Variants in MNAT1 observed in about 807,000 individuals in gnomAD.
The protein encoded by MNAT1 is CDK-activating kinase assembly factor MAT1.
In MNAT1, 43 loss-of-function variants were observed where a neutral mutation model predicts 42.0. The observed-to-expected ratio is 1.02, with a 90% CI of 0.80 to 1.32. MNAT1 has a LOEUF of 1.32. Ranked by LOEUF, MNAT1 falls within the 40% of genes most tolerant of loss-of-function variation. The pLI is 0.00. For missense variants in MNAT1, 306 were observed against 350.4 expected (o/e 0.87, Z 1.01); for synonymous variants, 118 against 120.0 (o/e 0.98, Z 0.11).
At position 60,780,037 on chromosome 14, in the gene MNAT1, G is replaced by A. The variant is rs528297119; in HGVS notation, c.90-16180G>A. On this transcript the variant is annotated intron_variant, in intron 1 of 7. Transcript: ENST00000261245. ...CCCTGCGTGGGAGTGCCGAAATCGT[G>A]GACGAGTTCTTCTCATTCGGCATCA... The A allele has an allele frequency of 4.6e-6, 7 of 1,530,040 alleles. No homozygotes were observed. In the East Asian group the frequency reaches 1.4e-4, roughly 30 times the overall value. 94.8% of individuals were successfully genotyped at this position (1,530,040 alleles called of 1,614,324 possible).
rs1308187321 is a variant in MNAT1, at chr14:60,740,614, C to A, written c.89+5663C>A. Among the ~76,000 whole-genome samples the A allele has an allele frequency of 6.6e-6, 1 of 152,118 alleles. No individual in the cohort carries two copies. The highest frequency in any genetic ancestry group is 1.5e-5 in the Non-Finnish European group (1 of 68,022). The stretch of plus-strand genomic sequence containing the variant: ...CCTTTGTGCAAATTGGGAAACAGAG[C>A]CCCCTCTGGGTAGAAAATTAGGAAA... On this transcript the variant is annotated intron_variant, in intron 1 of 7. Coordinates refer to ENST00000261245, the MANE Select transcript of MNAT1 (RefSeq NM_002431.4). This position sits in a 1 kb window ranked among gnomAD's most constrained non-coding sequence, Gnocchi z 4.1.
intron 7 of MNAT1, among the ~76,000 whole-genome samples, chr14:60,954,135 A>T (rs780174611): frequency 6.6e-6 from 1 of 152,006 alleles, no homozygotes; most frequent in Non-Finnish European, 1.5e-5. Context: ...ATCAGGTGAT[A>T]TTTACATGCC....
At chr14:60,761,159 G>A (rs1288721703) in intron 1 of MNAT1, among the ~76,000 whole-genome samples, 1 of 152,144 alleles carries the variant, frequency 6.6e-6, no homozygotes, top group Non-Finnish European at 1.5e-5. Flanking sequence ...GTGAAGCAAC[G>A]TGTACTGGCT....
rs746738660 is a variant in MNAT1 at position 60,840,603 on chromosome 14, T to C, written c.687+21756T>C. Among the ~76,000 whole-genome samples the C allele has an allele frequency of 1.2e-3, 185 of 152,198 alleles. 1 individual carries two copies. Among genetic ancestry groups the C allele is most frequent in the Non-Finnish European group, 1.6e-3 (108 of 68,020 alleles). ...CAGTCCTTATACTCCATCATAGTTG[T>C]TATTGAGTTCTAGTTACTATAGTCA... On this transcript the variant is annotated intron_variant, in intron 6 of 7. Transcript: ENST00000261245.
At chr14:60,921,361 T>A (rs911268494) in intron 7 of MNAT1, among the ~76,000 whole-genome samples, 1 of 152,218 alleles carries the variant, frequency 6.6e-6, no homozygotes, top group Non-Finnish European at 1.5e-5. Context: ...ATGTTCATTA[T>A]AGAAAAATTT....
At chr14:60,743,190 C>A (rs1328476137) in intron 1 of MNAT1, among the ~76,000 whole-genome samples, 1 of 152,128 alleles carries the variant, frequency 6.6e-6, no homozygotes, top group Non-Finnish European at 1.5e-5. Flanking sequence ...AATATAGTCT[C>A]TTATTTTCAC....
intron 6 of MNAT1, among the ~76,000 whole-genome samples, chr14:60,843,907 T>G (rs529212770): frequency 3.3e-4 from 50 of 152,200 alleles, no homozygotes; most frequent in Non-Finnish European, 5.6e-4. Flanking sequence ...TTAGAAACTT[T>G]GTAGTTTTTG....
chr14:60,945,713 T>C (rs1310591106), intron 7 of MNAT1, among the ~76,000 whole-genome samples: 1 of 152,222 alleles, frequency 6.6e-6, no homozygotes, highest in African/African-American at 2.4e-5. Context: ...TTAAAACATG[T>C]ATGAATTATT....
chr14:60,785,096 C>T (rs1376030870), intron 1 of MNAT1, among the ~76,000 whole-genome samples: 2 of 152,176 alleles, frequency 1.3e-5, no homozygotes, highest in African/African-American at 4.8e-5. Context: ...CAGGAGGCCT[C>T]AGCCTCCCAA....
intron 1 of MNAT1, among the ~76,000 whole-genome samples, chr14:60,767,830 T>C (rs140152195): frequency 5.5e-4 from 84 of 152,140 alleles, no homozygotes; most frequent in East Asian, 5.0e-3. Context: ...AGTGGCACAA[T>C]CTCAGCTCAC....
chr14:60,784,579 C>A (rs1594751850), intron 1 of MNAT1, among the ~76,000 whole-genome samples: 1 of 152,022 alleles, frequency 6.6e-6, no homozygotes, highest in East Asian at 2.0e-4. Context: ...CTCCCGGGTT[C>A]AAGCAGGTCT....
At chr14:60,872,979 C>T (rs575377727) in intron 6 of MNAT1, among the ~76,000 whole-genome samples, 1 of 152,094 alleles carries the variant, frequency 6.6e-6, no homozygotes, top group East Asian at 1.9e-4. Flanking sequence ...CCTTTTCCTG[C>T]ATAGGACATT....
intron 7 of MNAT1, among the ~76,000 whole-genome samples, chr14:60,928,403 C>G (rs906161821): frequency 1.3e-5 from 2 of 152,150 alleles, no homozygotes; most frequent in Non-Finnish European, 2.9e-5. Context: ...GATCATGTAA[C>G]AAATTTGTAT....
chr14:60,876,321 C>T (rs932094626), intron 6 of MNAT1, among the ~76,000 whole-genome samples: 7 of 152,018 alleles, frequency 4.6e-5, no homozygotes, highest in African/African-American at 1.7e-4. Context: ...AATGAAATTT[C>T]TGACATTACA....
intron 7 of MNAT1, among the ~76,000 whole-genome samples, chr14:60,887,860 A>C (rs2034717097): frequency 6.6e-6 from 1 of 152,074 alleles, no homozygotes; most frequent in African/African-American, 2.4e-5. Flanking sequence ...GAAATGGATA[A>C]ATTCCTCGAC....
chr14:60,814,099 T>G (rs908813565), intron 5 of MNAT1, among the ~76,000 whole-genome samples: 4 of 152,158 alleles, frequency 2.6e-5, no homozygotes. Flanking sequence ...TTCTCCTGAT[T>G]AATACTATTT....
chr14:60,893,576 T>C (rs967404733), intron 7 of MNAT1, among the ~76,000 whole-genome samples: 1 of 152,210 alleles, frequency 6.6e-6, no homozygotes, highest in African/African-American at 2.4e-5. Context: ...AGGCCATTAG[T>C]GTCAAGAGCT....
chr14:60,746,892 C>G (rs1220156086), intron 1 of MNAT1, among the ~76,000 whole-genome samples: 1 of 71,696 alleles, frequency 1.4e-5, no homozygotes, highest in Non-Finnish European at 2.4e-5. Flanking sequence ...TTTAAAGATT[C>G]ATTTCATATA....
At chr14:60,838,897 C>T (rs1433507052) in intron 6 of MNAT1, among the ~76,000 whole-genome samples, 11 of 152,260 alleles carry the variant, frequency 7.2e-5, no homozygotes. Flanking sequence ...GTGGGGTGTG[C>T]CCATGCTTGG....
Sources: gnomAD v4.1 joint callset for allele counts (sites outside exome capture counted in the v4.1 genomes callset) on GRCh38, gnomAD v4.1.1 for gene constraint, Gnocchi (gnomAD v3.1) non-coding constraint, MANE v1.5 for transcripts, NCBI Gene and HGNC (gene_info 2026-07-23, HGNC 2026-07-21) for gene names.